CCT8: variants seen among roughly 807,000 people sequenced by gnomAD.
CCT8 encodes chaperonin containing TCP1 subunit 8, also known as T-complex protein 1 subunit theta.
A neutral mutation model predicts 65.7 loss-of-function variants in CCT8; 10 were observed. The ratio of observed to expected loss-of-function variants is 0.15; its 90% CI spans 0.09 to 0.26. The LOEUF is 0.26. CCT8 is among the 10% of genes least tolerant of loss of function. CCT8 has a pLI of 1.00. For synonymous variants in CCT8, 199 were observed against 221.8 expected (o/e 0.90, Z 0.92); for missense variants, 568 against 669.1 (o/e 0.85, Z 1.67).
rs2085550446 is a variant in CCT8 at position 29,060,436 on chromosome 21, G to A, written c.1569+105C>T. On this transcript the variant is annotated intron_variant, in intron 14 of 14. Transcript: ENST00000286788. The stretch of plus-strand genomic sequence containing the variant: ...AGTATCTCTAATAGGTGAGGACTAA[G>A]AATCCTTTGAATTAGAACTATGCTA... 7 of 1,200,950 alleles carry A rather than the reference G, an allele frequency of 5.8e-6. No homozygotes were observed. The Admixed American group carries it at 1.6e-4, about 28-fold the overall frequency. 74.4% of individuals were successfully genotyped at this position (1,200,950 alleles called of 1,614,324 possible). A position where few individuals can be genotyped will look rare whatever the true frequency, so the allele number is the denominator to read the frequency against.
At chr21:29,072,961 C>A (rs562903809) in intron 1 of CCT8, among the ~76,000 whole-genome samples, 3 of 152,190 alleles carry the variant, frequency 2.0e-5, no homozygotes, top group Admixed American at 6.5e-5. Flanking sequence ...TTAGATTAAG[C>A]CAGCTAACAT....
chr21:29,058,593 CTTTTT>C (rs71189337), intron 14 of CCT8, among the ~76,000 whole-genome samples: 2 of 125,528 alleles, frequency 1.6e-5, no homozygotes, highest in African/African-American at 5.9e-5. Flanking sequence ...TGTATTTCTT[CTTTTT>C]TTTTTTTTTT....
chr21:29,073,523 G>T lies in CCT8; in HGVS notation c.60+8C>A, dbSNP rs1410368206. ...GCTCCCACCTCATTCCTTTCCTTCA[G>T]CCCTTACTTTCGCTCCCTCCTTGAG... is the stretch of plus-strand genomic sequence containing the variant. On this transcript the variant is annotated splice_region_variant and intron_variant, in intron 1 of 14. Coordinates refer to ENST00000286788, the MANE Select transcript of CCT8 (RefSeq NM_006585.4). The T allele has an allele frequency of 6.2e-7, 1 of 1,613,960 alleles. No individual in the cohort carries two copies. Among genetic ancestry groups the T allele is most frequent in the Non-Finnish European group, 8.5e-7 (1 of 1,179,968 alleles).
Position 29,061,239 on chromosome 21 carries a change from G to A in CCT8, c.1449+14C>T, listed in dbSNP as rs1420993645. 12 of 1,600,912 alleles carry A rather than the reference G, an allele frequency of 7.5e-6. No individual in the cohort carries two copies. The highest frequency in any genetic ancestry group is 2.2e-5 in the East Asian group (1 of 44,776). ...CCAAATAAAGCAATTTAAGTTCAGT[G>A]TTTTTTCAAATACCTCAATATCTAA... On this transcript the variant is annotated intron_variant, in intron 13 of 14. Coordinates refer to ENST00000286788, the MANE Select transcript of CCT8 (RefSeq NM_006585.4).
At position 29,070,392 on chromosome 21, in the gene CCT8, A is replaced by G. The variant is rs1253726406; in HGVS notation, c.61-55T>C. The G allele has an allele frequency of 5.7e-6, 6 of 1,052,540 alleles. No homozygotes were observed. The Admixed American group carries it at 1.3e-4, about 23-fold the overall frequency. The allele number at this position is 1,052,540 out of a possible 1,614,324, so 65.2% of individuals were successfully genotyped here. A position where few individuals can be genotyped will look rare whatever the true frequency, so the allele number is the denominator to read the frequency against. On this transcript the variant is annotated intron_variant, in intron 1 of 14. Coordinates refer to ENST00000286788, the MANE Select transcript of CCT8 (RefSeq NM_006585.4). ...CTAATTAGACAGGACAGTGAAACAAAAATTTCAAATACAAGATATCTTTGC... is the reference window on the plus strand; with the variant it reads ...CTAATTAGACAGGACAGTGAAACAAGAATTTCAAATACAAGATATCTTTGC...
chr21:29,063,581 T>C, intron 7 of CCT8, 51 bp from the exon 8 acceptor site: 2 of 1,557,790 alleles, frequency 1.3e-6, no homozygotes, highest in Non-Finnish European at 1.8e-6. Context: ...TACGTTGGTG[T>C]TCAAAGTCAT....
chr21:29,070,239 G>A lies in CCT8; in HGVS notation c.151+8C>T. The A allele has an allele frequency of 6.5e-7, 1 of 1,545,564 alleles. No individual in the cohort carries two copies. Among genetic ancestry groups the A allele is most frequent in the Non-Finnish European group, 8.9e-7 (1 of 1,123,144 alleles). On this transcript the variant is annotated splice_region_variant and intron_variant, in intron 2 of 14. Coordinates refer to ENST00000286788, the MANE Select transcript of CCT8 (RefSeq NM_006585.4). ...CTGTATCTTTACAAATATTAATTTA[G>A]AAATTACCATTTGGTCCATATGCTG...
At position 29,070,321 on chromosome 21, in the gene CCT8, T is replaced by C. The variant is rs762362107; in HGVS notation, c.77A>G (p.Glu26Gly). 6.2e-7 allele frequency: 1 copy of C among 1,610,236 alleles called. No individual in the cohort carries two copies. The highest frequency in any genetic ancestry group is 8.5e-7 in the Non-Finnish European group (1 of 1,178,208). ...TTGTATGTTTCTATACACAGCCTCTTCTAATCCTGAAAAGTGCTGTTAAAA... is the reference window on the plus strand; with the variant it reads ...TTGTATGTTTCTATACACAGCCTCTCCTAATCCTGAAAAGTGCTGTTAAAA... ...KEGAKHFSGL[E>G]EAVYRNIQAC... The change falls in exon 2 of 15, where the codon GAA (glutamate) becomes GGA (glycine). Residue 26 changes from glutamate to glycine, a missense_variant. Transcript: ENST00000286788.
intron 1 of CCT8, among the ~76,000 whole-genome samples, chr21:29,070,587 A>G (rs995831935): frequency 3.9e-5 from 6 of 152,218 alleles, no homozygotes; most frequent in African/African-American, 1.4e-4. Context: ...GATTGTTGAG[A>G]CAATCAAACA....
Position 29,056,522 on chromosome 21 carries a change from T to C in CCT8, c.1600A>G (p.Lys534Glu). The change falls in exon 15 of 15, where the codon AAG (lysine) becomes GAG (glutamate). Residue 534 changes from lysine (K) to glutamate (E), a missense_variant. Physicochemically the swap from Lys to Glu is moderately conservative, Grantham distance 56 (BLOSUM62 1). Transcript: ENST00000286788. ...IIMAKPAGGP[K>E]PPSGKKDWDD... is the part of the protein sequence containing the mutation. Reference sequence around the variant, plus strand: ...CAGTCTTTCTTCCCACTTGGAGGCTTGGGCCCACCAGCTGGTTTTGCCATG... The same window carrying C: ...CAGTCTTTCTTCCCACTTGGAGGCTCGGGCCCACCAGCTGGTTTTGCCATG... 8 of 1,556,602 alleles carry C rather than the reference T, an allele frequency of 5.1e-6. No homozygotes were observed. The highest frequency in any genetic ancestry group is 6.9e-6 in the Non-Finnish European group (8 of 1,151,286).
chr21:29,060,756 G>A, intron 13 of CCT8, 96 bp from the exon 14 acceptor site: 3 of 1,313,612 alleles, frequency 2.3e-6, no homozygotes, highest in Non-Finnish European at 3.2e-6. Context: ...AAATAGTACT[G>A]GAAAGTAACC....
chr21:29,064,986 G>T lies in CCT8; in HGVS notation c.744C>A (p.Gly248=). The T allele has an allele frequency of 1.9e-6, 3 of 1,613,634 alleles. No individual in the cohort carries two copies. The highest frequency in any genetic ancestry group is 2.5e-6 in the Non-Finnish European group (3 of 1,179,748). The change falls in exon 7 of 15, where the codon GGC becomes GGA. Residue 248 remains glycine, a synonymous_variant. Transcript: ENST00000286788. ...TACATACCTTAGTTTCTGTTATCAT[G>T]CCATCAAAAGGACAAGAGTACACTG... ...KIAVYSCPFD[G]MITETKGTVL...
Position 29,062,118 on chromosome 21 carries a change from T to C in CCT8, c.1212+10A>G, listed in dbSNP as rs1418208904. 1 of 1,544,560 alleles carries C rather than the reference T, an allele frequency of 6.5e-7. No homozygotes were observed. The highest frequency in any genetic ancestry group is 1.1e-5 in the South Asian group (1 of 89,632). On this transcript the variant is annotated intron_variant, in intron 11 of 14. Coordinates refer to ENST00000286788, the MANE Select transcript of CCT8 (RefSeq NM_006585.4). ...CCTTACAAACTACTAAGAATATTGCTGATACTGACCCTTGTAAGAACTTTG... is the reference window on the plus strand; with the variant it reads ...CCTTACAAACTACTAAGAATATTGCCGATACTGACCCTTGTAAGAACTTTG...
intron 14 of CCT8, among the ~76,000 whole-genome samples, chr21:29,058,948 CTG>C (rs548571346): frequency 2.6e-5 from 4 of 152,100 alleles, no homozygotes; most frequent in Non-Finnish European, 5.9e-5. Flanking sequence ...GAGTGTCACT[CTG>C]TCAACCAGGC....
At chr21:29,067,410 G>C (rs1259124713) in intron 4 of CCT8, 146 bp downstream of exon 4, 2 of 531,880 alleles carry the variant, frequency 3.8e-6, no homozygotes, top group African/African-American at 3.9e-5. Context: ...TACAGCATGT[G>C]AAGCATATGT....
chr21:29,073,477 C>T lies in CCT8; in HGVS notation c.60+54G>A, dbSNP rs375489941. The T allele has an allele frequency of 3.7e-6, 6 of 1,612,386 alleles. No homozygotes were observed. In the East Asian group the frequency reaches 8.9e-5, roughly 24 times the overall value. On this transcript the variant is annotated intron_variant, in intron 1 of 14. Transcript: ENST00000286788. ...AGTAGGCCCTCCTACTTCGCCGCGG[C>T]CGCCGCAGCCCTATGCTGACGCTCC...
At chr21:29,061,630 T>C (rs912877457) in intron 11 of CCT8, 63 bp from the exon 12 acceptor site, 4 of 1,518,614 alleles carry the variant, frequency 2.6e-6, no homozygotes, top group African/African-American at 2.8e-5. Flanking sequence ...AAAATCAGTT[T>C]GCAGTTTTCT....
In CCT8 at chr21:29,067,539, T is replaced by C. The variant is rs775070113; in HGVS notation, c.381+17A>G. The C allele has an allele frequency of 7.0e-7, 1 of 1,436,138 alleles. No homozygotes were observed. The highest frequency in any genetic ancestry group is 9.1e-7 in the Non-Finnish European group (1 of 1,097,924). The allele number at this position is 1,436,138 out of a possible 1,614,324, so 89.0% of individuals were successfully genotyped here. ...AAGCAAAAATTTAGTAGGAGTAAAT[T>C]ATAAATGAACACTTGCCTCTGAAAC... is the stretch of plus-strand genomic sequence containing the variant. On this transcript the variant is annotated intron_variant, in intron 4 of 14. Coordinates refer to ENST00000286788, the MANE Select transcript of CCT8 (RefSeq NM_006585.4).
Position 29,073,534 on chromosome 21 carries a change from C to G in CCT8, c.57G>C (p.Ala19=), listed in dbSNP as rs2085707821. ...ATTCCTTTCCTTCAGCCCTTACTTT[C>G]GCTCCCTCCTTGAGCATCTGGGCAA... ...PGFAQMLKEG[A]KHFSGLEEAV... Residue 19 remains alanine (A), a synonymous_variant, in exon 1 of 15, where the codon GCG becomes GCC. Transcript: ENST00000286788. 1 of 1,614,142 alleles carries G rather than the reference C, an allele frequency of 6.2e-7. No homozygotes were observed. Among genetic ancestry groups the G allele is most frequent in the Non-Finnish European group, 8.5e-7 (1 of 1,179,994 alleles).
Sources: gnomAD v4.1 joint callset for allele counts (sites outside exome capture counted in the v4.1 genomes callset) on GRCh38, gnomAD v4.1.1 for gene constraint, MANE v1.5 for transcripts, NCBI Gene and HGNC (gene_info 2026-07-23, HGNC 2026-07-21) for gene names.